Variants in CDH8 observed in about 807,000 individuals in gnomAD.
CDH8 encodes cadherin-8.
A neutral mutation model predicts 68.1 loss-of-function variants in CDH8; 17 were observed. That is an observed-to-expected ratio of 0.25 (90% CI 0.17 to 0.37). The LOEUF (loss-of-function observed/expected upper bound fraction) is 0.37, where lower values mean the gene tolerates loss of function less well. Among genes scored for constraint, CDH8 ranks in the 10% least tolerant of loss-of-function variants. The pLI is 1.00. For synonymous variants in CDH8, 372 were observed against 365.1 expected (o/e 1.02, Z -0.21); for missense variants, 763 against 999.3 (o/e 0.76, Z 3.19).
chr16:61,801,579 C>T (rs1185982160), intron 7 of CDH8, among the ~76,000 whole-genome samples: 4 of 152,174 alleles, frequency 2.6e-5, no homozygotes, highest in Admixed American at 2.0e-4. Flanking sequence ...TAGGGAGTGC[C>T]AGACAGTGGG....
chr16:61,740,916 G>A (rs924032087), intron 8 of CDH8, among the ~76,000 whole-genome samples: 5 of 152,112 alleles, frequency 3.3e-5, no homozygotes, highest in African/African-American at 1.2e-4. Context: ...AATATCCTGT[G>A]AAATATTACA....
intron 4 of CDH8, among the ~76,000 whole-genome samples, chr16:61,851,010 T>C (rs944418465): frequency 1.1e-4 from 17 of 152,184 alleles, no homozygotes; most frequent in African/African-American, 4.1e-4. Context: ...TTCATCTGCC[T>C]GAGTTTATCT....
At chr16:62,000,671 A>C (rs1380656307) in intron 2 of CDH8, among the ~76,000 whole-genome samples, 1 of 152,218 alleles carries the variant, frequency 6.6e-6, no homozygotes, top group African/African-American at 2.4e-5. Context: ...TGCTGAAGGC[A>C]TAATGATATA....
intron 3 of CDH8, among the ~76,000 whole-genome samples, chr16:61,865,293 C>T (rs1301488375): frequency 2.0e-5 from 3 of 152,140 alleles, no homozygotes; most frequent in African/African-American, 7.2e-5. Context: ...GGGAACCAAA[C>T]AATTTTGTAA....
chr16:61,984,417 G>A (rs576218486), intron 2 of CDH8, among the ~76,000 whole-genome samples: 2 of 150,712 alleles, frequency 1.3e-5, no homozygotes, highest in East Asian at 1.9e-4. Context: ...AGAGAAACAC[G>A]TTTCTTTTTC....
chr16:61,787,202 G>A (rs1271273092), intron 8 of CDH8, among the ~76,000 whole-genome samples: 1 of 151,494 alleles, frequency 6.6e-6, no homozygotes, highest in African/African-American at 2.4e-5. Flanking sequence ...CTGACAAAGG[G>A]CTAATATCCG....
In CDH8 at chr16:61,913,922, T is replaced by C. The variant is rs148983436; in HGVS notation, c.253-12449A>G. On this transcript the variant is annotated intron_variant, in intron 2 of 11. Transcript: ENST00000577390. ...AAATTATTTTCCATCAAAATCCATA[T>C]GTTGAAGCCCTAACCCCCAATAACT... Among the ~76,000 whole-genome samples the C allele has an allele frequency of 8.4e-3, 1,283 of 152,322 alleles. 17 individuals carry two copies. Among genetic ancestry groups the C allele is most frequent in the African/African-American group, 0.029 (1,203 of 41,572 alleles).
At chr16:61,871,507 T>C (rs1283439852) in intron 3 of CDH8, among the ~76,000 whole-genome samples, 1 of 152,032 alleles carries the variant, frequency 6.6e-6, no homozygotes, top group East Asian at 1.9e-4. Flanking sequence ...TGGGCAAATG[T>C]TTTCATGGTA....
intron 3 of CDH8, among the ~76,000 whole-genome samples, chr16:61,900,023 G>T (rs1191908541): frequency 6.6e-6 from 1 of 152,098 alleles, no homozygotes; most frequent in African/African-American, 2.4e-5. Flanking sequence ...TGTTATTGAA[G>T]ACACTATATG....
intron 8 of CDH8, among the ~76,000 whole-genome samples, chr16:61,765,473 T>G (rs1960566655): frequency 6.6e-6 from 1 of 152,020 alleles, no homozygotes; most frequent in Admixed American, 6.6e-5. Context: ...CCACATCTGT[T>G]GCTTGGTTGT....
intron 10 of CDH8, among the ~76,000 whole-genome samples, chr16:61,666,212 AT>A (rs1963676004): frequency 7.8e-6 from 1 of 128,838 alleles, no homozygotes; most frequent in Non-Finnish European, 1.7e-5. Flanking sequence ...GTGTGTATAT[AT>A]ATATATATGT....
intron 10 of CDH8, among the ~76,000 whole-genome samples, chr16:61,659,879 G>T (rs1963522729): frequency 6.6e-6 from 1 of 152,158 alleles, no homozygotes; most frequent in Admixed American, 6.6e-5. Flanking sequence ...TTTCAAAGGA[G>T]ATCAAATTTG....
rs1272948792 is a variant in CDH8, at chr16:61,652,154, C to T, written c.*1454G>A. 3.1e-6 allele frequency: 3 copies of T among 981,306 alleles called. No homozygotes were observed. The highest frequency in any genetic ancestry group is 1.8e-5 in the African/African-American group (1 of 57,132). The allele number at this position is 981,306 out of a possible 1,614,324, so 60.8% of individuals were successfully genotyped here. Reference sequence around the variant, plus strand: ...CATGTAATACTTGAGTTTTATCATACATTTTCTACTCCTAAATGGCAGGTT... The same window carrying T: ...CATGTAATACTTGAGTTTTATCATATATTTTCTACTCCTAAATGGCAGGTT... On this transcript the variant is annotated 3_prime_UTR_variant, in exon 12 of 12. Transcript: ENST00000577390.
In CDH8 at chr16:61,782,728, G is replaced by A. The variant is rs1319739848; in HGVS notation, c.1414+6618C>T. On this transcript the variant is annotated intron_variant, in intron 8 of 11. Coordinates refer to ENST00000577390, the MANE Select transcript of CDH8 (RefSeq NM_001796.5). ...AAGAGAGCAGTGGGTCTCCCAGCATGCAGCTGGAGATCTGAGAACGGGCAG... is the reference window on the plus strand; with the variant it reads ...AAGAGAGCAGTGGGTCTCCCAGCATACAGCTGGAGATCTGAGAACGGGCAG... Among the ~76,000 whole-genome samples the A allele has an allele frequency of 1.7e-4, 26 of 152,290 alleles. No homozygotes were observed. In the East Asian group the frequency reaches 2.1e-3, roughly 13 times the overall value.
intron 10 of CDH8, among the ~76,000 whole-genome samples, chr16:61,698,279 T>C (rs1227094607): frequency 6.6e-6 from 1 of 152,180 alleles, no homozygotes; most frequent in Non-Finnish European, 1.5e-5. Context: ...AAGCGTAAGG[T>C]TGAGAGTGGC....
chr16:61,998,561 G>T (rs920205734), intron 2 of CDH8, among the ~76,000 whole-genome samples: 4 of 152,090 alleles, frequency 2.6e-5, no homozygotes, highest in African/African-American at 9.7e-5. Context: ...GGACTTCAAT[G>T]TATCTTTTTA....
rs539940834 is a variant in CDH8, at chr16:61,810,022, C to T, written c.1277+7457G>A. 6.6e-5 allele frequency among the ~76,000 whole-genome samples: 10 copies of T among 152,244 alleles called. No homozygotes were observed. In the South Asian group the frequency reaches 1.9e-3, roughly 28 times the overall value. On this transcript the variant is annotated intron_variant, in intron 7 of 11. Transcript: ENST00000577390. ...AAACGGCATAAATGCACTTTTATATCATAAAAAATGTTTTGGTAAACACTG... is the reference window on the plus strand; with the variant it reads ...AAACGGCATAAATGCACTTTTATATTATAAAAAATGTTTTGGTAAACACTG...
At chr16:61,986,906 T>C (rs1399201781) in intron 2 of CDH8, among the ~76,000 whole-genome samples, 2 of 152,238 alleles carry the variant, frequency 1.3e-5, no homozygotes, top group East Asian at 3.8e-4. Flanking sequence ...CTTCTCTTTC[T>C]GTGACTGACT....
Position 61,653,674 on chromosome 16 carries a change from G to C in CDH8, c.2334C>G (p.Asp778Glu), listed in dbSNP as rs1359438770. 1 of 1,614,184 alleles carries C rather than the reference G, an allele frequency of 6.2e-7. No individual in the cohort carries two copies. The highest frequency in any genetic ancestry group is 8.5e-7 in the Non-Finnish European group (1 of 1,180,028). The change falls in exon 12 of 12, where the codon GAC becomes GAG. Residue 778 changes from aspartate to glutamate, a missense_variant. Physicochemically the swap from Asp to Glu is conservative, Grantham distance 45 (BLOSUM62 2). This residue lies in a region of CDH8 where 397 missense variants were observed against 436.2 expected (regional missense o/e 0.91). Transcript: ENST00000577390. ...DSDQNFDYLS[D>E]WGPRFKRLGE... is the part of the protein sequence containing the mutation. ...CCAGTCTCTTAAAGCGGGGACCCCA[G>C]TCACTGAGGTAGTCAAAATTCTGGT...
Sources: gnomAD v4.1 joint callset for allele counts (sites outside exome capture counted in the v4.1 genomes callset) on GRCh38, gnomAD v4.1.1 for gene constraint, gnomAD v4.1.1 regional missense constraint, MANE v1.5 for transcripts, NCBI Gene and HGNC (gene_info 2026-07-23, HGNC 2026-07-21) for gene names.